The following ZNF462 variants were observed in gnomAD, a reference collection of about 807,000 sequenced individuals.
ZNF462 encodes zinc finger PBX1-interacting protein.
In ZNF462, 10 loss-of-function variants were observed where a neutral mutation model predicts 201.9. The ratio of observed to expected loss-of-function variants is 0.05; its 90% CI spans 0.03 to 0.08. The LOEUF is 0.08. Among genes scored for constraint, ZNF462 ranks in the 10% least tolerant of loss-of-function variants. The pLI is 1.00. For missense variants in ZNF462, 2,523 were observed against 3,168.3 expected (o/e 0.80, Z 4.89); for synonymous variants, 1,227 against 1,193.3 (o/e 1.03, Z -0.58).
At chr9:106,915,693 G>A (rs1829743550) in intron 1 of ZNF462, among the ~76,000 whole-genome samples, 1 of 152,164 alleles carries the variant, frequency 6.6e-6, no homozygotes, top group Non-Finnish European at 1.5e-5. Context: ...GTCAAGAAGA[G>A]GAAAACAAAA....
At position 106,927,551 on chromosome 9, in the gene ZNF462, G is replaced by T; in HGVS notation, c.3639G>T (p.Gln1213His). Residue 1213 changes from glutamine (Q) to histidine (H), a missense_variant, in exon 3 of 13, where the codon CAG becomes CAT. By Grantham distance (24) the Gln-to-His change is conservative (BLOSUM62 0). This residue lies in a region of ZNF462 where 222 missense variants were observed against 271.6 expected (regional missense o/e 0.82). Coordinates refer to ENST00000277225, the MANE Select transcript of ZNF462 (RefSeq NM_021224.6). Reference sequence around the variant, plus strand: ...TCAAAGGGGTACTCATTCATTATCAGAAGAAGCACCGAGACTTCAAGGCCA... The same window carrying T: ...TCAAAGGGGTACTCATTCATTATCATAAGAAGCACCGAGACTTCAAGGCCA... ...RTVKGVLIHY[Q>H]KKHRDFKANA... The T allele has an allele frequency of 6.2e-7, 1 of 1,613,904 alleles. No homozygotes were observed. Among genetic ancestry groups the T allele is most frequent in the Non-Finnish European group, 8.5e-7 (1 of 1,179,922 alleles).
chr9:106,902,802 G>T lies in ZNF462; in HGVS notation c.-30-20552G>T, dbSNP rs1362328585. On this transcript the variant is annotated intron_variant, in intron 1 of 12. Transcript: ENST00000277225. The surrounding 1 kb of genome is among the most constrained non-coding windows in gnomAD (Gnocchi z 4.2). ...TTTTGTTTCTTAGTGAGGTTATTTG[G>T]ATTTTCTCTCTTCTTTTCTTGGTTA... 6.6e-6 allele frequency among the ~76,000 whole-genome samples: 1 copy of T among 151,900 alleles called. No individual in the cohort carries two copies.
chr9:106,902,535 G>A lies in ZNF462; in HGVS notation c.-30-20819G>A, dbSNP rs536800166. Among the ~76,000 whole-genome samples the A allele has an allele frequency of 1.3e-5, 2 of 152,272 alleles. No homozygotes were observed. Among genetic ancestry groups the A allele is most frequent in the African/African-American group, 4.8e-5 (2 of 41,558 alleles). On this transcript the variant is annotated intron_variant, in intron 1 of 12. Coordinates refer to ENST00000277225, the MANE Select transcript of ZNF462 (RefSeq NM_021224.6). The surrounding 1 kb of genome is among the most constrained non-coding windows in gnomAD (Gnocchi z 4.2). ...TTTGAATGTCTCGTAGAATTCTGCT[G>A]TGAATCCATCTGGTCCTGGACTTTT... is the stretch of plus-strand genomic sequence containing the variant.
intron 9 of ZNF462, chr9:106,979,518 CCGT>C (rs1246472637): frequency 3.3e-5 from 5 of 151,540 alleles, no homozygotes; most frequent in African/African-American, 1.2e-4. Context: ...GGAGCCAAGG[CCGT>C]CTTCTTCCCC....
Position 107,006,708 on chromosome 9 carries a change from G to A in ZNF462, c.7190-2837G>A, listed in dbSNP as rs1168152708. Among the ~76,000 whole-genome samples the A allele has an allele frequency of 6.6e-6, 1 of 152,066 alleles. No individual in the cohort carries two copies. Among genetic ancestry groups the A allele is most frequent in the Non-Finnish European group, 1.5e-5 (1 of 68,026 alleles). ...ATGATGCCAGGGCTAAAGACTATGG[G>A]TTTGCGAAGGGGGCCCCAGTTTGGC... On this transcript the variant is annotated intron_variant, in intron 11 of 12. Transcript: ENST00000277225. This position sits in a 1 kb window ranked among gnomAD's most constrained non-coding sequence, Gnocchi z 4.3.
At chr9:106,947,275 T>A (rs1831152296) in intron 7 of ZNF462, among the ~76,000 whole-genome samples, 1 of 152,170 alleles carries the variant, frequency 6.6e-6, no homozygotes, top group Non-Finnish European at 1.5e-5. Flanking sequence ...TGTGGAGAAG[T>A]CATTCCAAGG....
At position 106,932,585 on chromosome 9, in the gene ZNF462, G is replaced by A. The variant is rs376409885; in HGVS notation, c.6116+36G>A. Reference sequence around the variant, plus strand: ...TTGGGGGGTCACTAGTGGTTACTGGGAGATGATGTCATAGTGGAAGGCACT... The same window carrying A: ...TTGGGGGGTCACTAGTGGTTACTGGAAGATGATGTCATAGTGGAAGGCACT... On this transcript the variant is annotated intron_variant, in intron 5 of 12. Transcript: ENST00000277225. This position sits in a 1 kb window ranked among gnomAD's most constrained non-coding sequence, Gnocchi z 6.8. 6.2e-6 allele frequency: 10 copies of A among 1,613,922 alleles called. No individual in the cohort carries two copies. In the African/African-American group the frequency reaches 1.3e-4, roughly 22 times the overall value.
intron 10 of ZNF462, among the ~76,000 whole-genome samples, chr9:106,992,912 C>T (rs1216168951): frequency 6.6e-6 from 1 of 152,034 alleles, no homozygotes; most frequent in Non-Finnish European, 1.5e-5. Flanking sequence ...ATGTTAATTT[C>T]CTGTAGTCTT....
At chr9:106,861,175 G>A (rs1360803494), upstream of ZNF462, among the ~76,000 whole-genome samples, 1 of 152,108 alleles carries the variant, frequency 6.6e-6, no homozygotes, top group Non-Finnish European at 1.5e-5. Context: ...AGGGCAGGAA[G>A]TGTTGACTGG....
chr9:106,928,219 C>T lies in ZNF462; in HGVS notation c.4307C>T (p.Pro1436Leu). Residue 1436 changes from proline to leucine, a missense_variant, in exon 3 of 13, where the codon CCT (proline) becomes CTT (leucine). By Grantham distance (98) the Pro-to-Leu change is moderately conservative. Around this residue, in one of 15 missense-constraint regions of ZNF462, gnomAD observed 165 missense variants for 142.6 expected, o/e 1.16. Transcript: ENST00000277225. The surrounding 1 kb of genome is among the most constrained non-coding windows in gnomAD (Gnocchi z 9.3). ...PVNCENSIPT[P>L]FPEQEAECPE... is the part of the protein sequence containing the mutation. The stretch of plus-strand genomic sequence containing the variant: ...AATTGTGAAAACAGTATACCCACCC[C>T]TTTCCCGGAGCAGGAAGCTGAATGT... 1 of 1,614,120 alleles carries T rather than the reference C, an allele frequency of 6.2e-7. No individual in the cohort carries two copies. Among genetic ancestry groups the T allele is most frequent in the Non-Finnish European group, 8.5e-7 (1 of 1,180,016 alleles).
intron 9 of ZNF462, chr9:106,979,594 G>A (rs1827266578): frequency 6.6e-6 from 1 of 151,458 alleles, no homozygotes; most frequent in African/African-American, 2.5e-5. Flanking sequence ...ATTGTTTTAA[G>A]CTGTAGGGAT....
At chr9:106,958,803 A>G (rs1831697008) in intron 7 of ZNF462, among the ~76,000 whole-genome samples, 1 of 152,148 alleles carries the variant, frequency 6.6e-6, no homozygotes, top group Non-Finnish European at 1.5e-5. Flanking sequence ...TATCAAGAGA[A>G]AGAAAGCCAT....
rs553097995 is a variant in ZNF462 at position 106,889,485 on chromosome 9, C to T, written c.-31+26130C>T. Among the ~76,000 whole-genome samples the T allele has an allele frequency of 2.0e-5, 3 of 152,250 alleles. No homozygotes were observed. The East Asian group carries it at 5.8e-4, about 29-fold the overall frequency. The stretch of plus-strand genomic sequence containing the variant: ...AACTCTCTTTGTCAGACTGTGATTC[C>T]CCCTGCTCTGCTCTTTGATTTGTGG... On this transcript the variant is annotated intron_variant, in intron 1 of 12. Transcript: ENST00000277225.
In ZNF462 at chr9:106,924,057, G is replaced by T. The variant is rs1830091153; in HGVS notation, c.221-76G>T. ...TGATGTTTAGTAATGAAGAATAATT[G>T]GAATGGTACTGATTTGCATGATTGG... On this transcript the variant is annotated intron_variant, in intron 2 of 12. Transcript: ENST00000277225. The surrounding 1 kb of genome is among the most constrained non-coding windows in gnomAD (Gnocchi z 6.2). 2.4e-6 allele frequency: 3 copies of T among 1,235,294 alleles called. No individual in the cohort carries two copies. The highest frequency in any genetic ancestry group is 3.4e-6 in the Non-Finnish European group (3 of 890,896). The allele number at this position is 1,235,294 out of a possible 1,614,324, so 76.5% of individuals were successfully genotyped here.
At position 106,927,043 on chromosome 9, in the gene ZNF462, C is replaced by T. The variant is rs2131478371; in HGVS notation, c.3131C>T (p.Ser1044Phe). 6.2e-7 allele frequency: 1 copy of T among 1,614,092 alleles called. No homozygotes were observed. The highest frequency in any genetic ancestry group is 8.5e-7 in the Non-Finnish European group (1 of 1,179,982). Reference protein sequence around the residue: ...VCSFASPNMHSVLVHYQKKHP... With the variant: ...VCSFASPNMHFVLVHYQKKHP... ...TCGTTTGCAAGCCCCAACATGCATT[C>T]TGTCTTGGTTCATTATCAGAAGAAA... The change falls in exon 3 of 13, where the codon TCT (serine) becomes TTT (phenylalanine). Residue 1044 changes from serine (S) to phenylalanine (F), a missense_variant. Physicochemically the swap from Ser to Phe is radical, Grantham distance 155. Coordinates refer to ENST00000277225, the MANE Select transcript of ZNF462 (RefSeq NM_021224.6).
In ZNF462 at chr9:106,974,433, G is replaced by C. The variant is rs1295721521; in HGVS notation, c.6832+160G>C. The C allele has an allele frequency of 1.8e-5, 20 of 1,096,404 alleles. No individual in the cohort carries two copies. In the Admixed American group the frequency reaches 3.5e-4, roughly 19 times the overall value. 67.9% of individuals were successfully genotyped at this position (1,096,404 alleles called of 1,614,324 possible). On this transcript the variant is annotated intron_variant, in intron 9 of 12. Transcript: ENST00000277225. This position sits in a 1 kb window ranked among gnomAD's most constrained non-coding sequence, Gnocchi z 4.0. Reference sequence around the variant, plus strand: ...GTGATAACCACAGTGACAGCCAAAAGGGCAAAAACACCTTCCTGCTGGGAG... The same window carrying C: ...GTGATAACCACAGTGACAGCCAAAACGGCAAAAACACCTTCCTGCTGGGAG...
At chr9:106,864,084 CTCT>C (rs1827199997) in intron 1 of ZNF462, among the ~76,000 whole-genome samples, 1 of 138,538 alleles carries the variant, frequency 7.2e-6, no homozygotes, top group Non-Finnish European at 1.6e-5. Flanking sequence ...CTCTCTCTCT[CTCT>C]CTCTCTCTCT....
chr9:106,983,279 CCTCT>C (rs1316229771), intron 9 of ZNF462, among the ~76,000 whole-genome samples: 1 of 152,112 alleles, frequency 6.6e-6, no homozygotes, highest in Non-Finnish European at 1.5e-5. Context: ...GCACCCAAAT[CCTCT>C]CTCTCTTTTA....
chr9:106,952,558 T>C (rs1588109845), intron 7 of ZNF462, among the ~76,000 whole-genome samples: 2 of 152,320 alleles, frequency 1.3e-5, no homozygotes, highest in Admixed American at 1.3e-4. Flanking sequence ...TGGAGCCTTG[T>C]TGATATAAAT....
Sources: gnomAD v4.1 joint callset for allele counts (sites outside exome capture counted in the v4.1 genomes callset) on GRCh38, gnomAD v4.1.1 for gene constraint, gnomAD v4.1.1 regional missense constraint, Gnocchi (gnomAD v3.1) non-coding constraint, MANE v1.5 for transcripts, NCBI Gene and HGNC (gene_info 2026-07-23, HGNC 2026-07-21) for gene names.